The following NCMAP variants were observed in gnomAD, a reference collection of about 807,000 sequenced individuals.
NCMAP encodes the protein noncompact myelin-associated protein.
Under a neutral mutation model 7.8 loss-of-function variants are expected in NCMAP, and 8 were observed. That is an observed-to-expected ratio of 1.02 (90% CI 0.60 to 1.84). The LOEUF (loss-of-function observed/expected upper bound fraction) is 1.84. Among genes scored for constraint, NCMAP ranks in the 40% most tolerant of loss-of-function variants. The pLI is 0.00. For synonymous variants in NCMAP, 41 were observed against 52.9 expected, an observed-to-expected ratio of 0.78 and a Z score of 0.98; for missense variants, 112 against 131.4, an observed-to-expected ratio of 0.85 and a Z score of 0.72.
In NCMAP at chr1:24,605,010, G is replaced by A. The variant is rs371880577; in HGVS notation, c.168-596G>A. Among the ~76,000 whole-genome samples, 12 of 151,936 alleles carry A rather than the reference G, an allele frequency of 7.9e-5. No individual in the cohort carries two copies. In the South Asian group the frequency reaches 1.5e-3, roughly 18 times the overall value. Reference sequence around the variant, plus strand: ...AGGTGCCTGTGATCCCAGCTACTCCGGAGGCTGAGGCAGGAGAATCGCTTG... The same window carrying A: ...AGGTGCCTGTGATCCCAGCTACTCCAGAGGCTGAGGCAGGAGAATCGCTTG... On this transcript the variant is annotated intron_variant, in intron 3 of 3. Coordinates refer to ENST00000374392, the MANE Select transcript of NCMAP (RefSeq NM_001010980.5).
chr1:24,602,442 C>T (rs1570542256), intron 3 of NCMAP, among the ~76,000 whole-genome samples: 2 of 146,214 alleles, frequency 1.4e-5, no homozygotes. Context: ...CAGTGGTGGG[C>T]GCCTGTAGTC....
intron 1 of NCMAP, among the ~76,000 whole-genome samples, chr1:24,587,396 G>A (rs1350733557): frequency 2.0e-5 from 3 of 152,180 alleles, no homozygotes; most frequent in African/African-American, 7.2e-5. Context: ...AACTACTATC[G>A]CCACCTATTG....
At chr1:24,563,248 A>C (rs957161036) in intron 1 of NCMAP, among the ~76,000 whole-genome samples, 2 of 152,232 alleles carry the variant, frequency 1.3e-5, no homozygotes, top group African/African-American at 4.8e-5. Context: ...TTGGCCGGGC[A>C]AGGTGGCTTG....
At chr1:24,605,070 C>T (rs1472142848) in intron 3 of NCMAP, among the ~76,000 whole-genome samples, 2 of 151,216 alleles carry the variant, frequency 1.3e-5, no homozygotes, top group Non-Finnish European at 1.5e-5. Context: ...GAGGCAAGAT[C>T]GCTCCACTGC....
chr1:24,595,794 C>CTTTTTTTTTTTTT (rs34640170), intron 2 of NCMAP, among the ~76,000 whole-genome samples: 1 of 119,496 alleles, frequency 8.4e-6, no homozygotes, highest in Non-Finnish European at 1.7e-5. Context: ...TGGACTGTGT[C>CTTTTTTTTTTTTT]TTTTTTTTTT....
At chr1:24,558,765 G>A (rs771045476) in intron 1 of NCMAP, among the ~76,000 whole-genome samples, 3 of 152,188 alleles carry the variant, frequency 2.0e-5, no homozygotes, top group South Asian at 2.1e-4. Flanking sequence ...TCAGGGTCAC[G>A]TAGAGTTGGG....
chr1:24,595,611 C>T lies in NCMAP; in HGVS notation c.82+99C>T, dbSNP rs561504029. Reference sequence around the variant, plus strand: ...GAGTGTGGGCTCTGGAGGTGGACTGCCTGGGTCTCAGGCCCAGTTCTGCCA... The same window carrying T: ...GAGTGTGGGCTCTGGAGGTGGACTGTCTGGGTCTCAGGCCCAGTTCTGCCA... On this transcript the variant is annotated intron_variant, in intron 2 of 3. Transcript: ENST00000374392. 1.8e-5 allele frequency: 17 copies of T among 930,636 alleles called. No homozygotes were observed. The South Asian group carries it at 2.5e-4, about 14-fold the overall frequency. 57.6% of individuals were successfully genotyped at this position (930,636 alleles called of 1,614,324 possible).
intron 1 of NCMAP, among the ~76,000 whole-genome samples, chr1:24,590,938 C>T (rs1202836396): frequency 6.6e-6 from 1 of 152,234 alleles, no homozygotes; most frequent in Non-Finnish European, 1.5e-5. Flanking sequence ...TTCTCACTCT[C>T]AGCTCCCTTA....
chr1:24,605,803 C>A lies in NCMAP; in HGVS notation c.*56C>A. The A allele has an allele frequency of 6.3e-7, 1 of 1,590,640 alleles. No homozygotes were observed. Among genetic ancestry groups the A allele is most frequent in the Non-Finnish European group, 8.6e-7 (1 of 1,161,594 alleles). On this transcript the variant is annotated 3_prime_UTR_variant, in exon 4 of 4. Transcript: ENST00000374392. ...CCAAAGAGCCTCTCCAGAGTCAAGA[C>A]CCAGAGGCACACTCTCTGGCAGCTT...
intron 1 of NCMAP, among the ~76,000 whole-genome samples, chr1:24,588,927 G>A (rs569637231): frequency 6.6e-6 from 1 of 152,302 alleles, no homozygotes; most frequent in Admixed American, 6.5e-5. Flanking sequence ...TGGATGCTGG[G>A]CCACCTGTGC....
chr1:24,601,248 A>G (rs1437651685), intron 3 of NCMAP, among the ~76,000 whole-genome samples: 1 of 152,136 alleles, frequency 6.6e-6, no homozygotes, highest in Admixed American at 6.6e-5. Context: ...TAGTAATGAT[A>G]ATGACAATGA....
intron 1 of NCMAP, among the ~76,000 whole-genome samples, chr1:24,581,851 T>C (rs1007614512): frequency 6.6e-6 from 1 of 152,206 alleles, no homozygotes; most frequent in Admixed American, 6.5e-5. Context: ...TGAGATTGGT[T>C]ATGAGTTAAC....
intron 2 of NCMAP, among the ~76,000 whole-genome samples, chr1:24,600,254 G>A (rs1652431177): frequency 6.6e-6 from 1 of 152,060 alleles, no homozygotes; most frequent in African/African-American, 2.4e-5. Flanking sequence ...AGGCTCAAGA[G>A]ATCCTCCCTC....
chr1:24,580,623 G>C (rs1320059081), intron 1 of NCMAP, among the ~76,000 whole-genome samples: 1 of 152,140 alleles, frequency 6.6e-6, no homozygotes, highest in Non-Finnish European at 1.5e-5. Context: ...GCTAATTTTT[G>C]TATTTTTAGT....
intron 1 of NCMAP, among the ~76,000 whole-genome samples, chr1:24,579,816 C>T (rs1198436326): frequency 1.3e-5 from 2 of 152,142 alleles, no homozygotes; most frequent in East Asian, 3.8e-4. Flanking sequence ...CTCCATAGGC[C>T]GACTGGACAG....
At chr1:24,598,442 AT>A (rs1050531058) in intron 2 of NCMAP, among the ~76,000 whole-genome samples, 2 of 151,912 alleles carry the variant, frequency 1.3e-5, no homozygotes, top group Non-Finnish European at 2.9e-5. Flanking sequence ...ACCACCATCG[AT>A]TAGTTCTGCT....
chr1:24,562,483 G>A (rs1272810990), intron 1 of NCMAP, among the ~76,000 whole-genome samples: 1 of 152,176 alleles, frequency 6.6e-6, no homozygotes, highest in Non-Finnish European at 1.5e-5. Context: ...ACTGTGCCCG[G>A]TTCCCCACTG....
chr1:24,584,724 AT>A (rs560806576), intron 1 of NCMAP, among the ~76,000 whole-genome samples: 3 of 152,044 alleles, frequency 2.0e-5, no homozygotes, highest in Admixed American at 1.3e-4. Context: ...TGAAGAAAAG[AT>A]TCTGAAAGGA....
chr1:24,560,945 G>A (rs1180993574), intron 1 of NCMAP, among the ~76,000 whole-genome samples: 1 of 151,980 alleles, frequency 6.6e-6, no homozygotes, highest in Non-Finnish European at 1.5e-5. Context: ...CCCCAGAGAT[G>A]AGTATTATTG....
Sources: gnomAD v4.1 joint callset for allele counts (sites outside exome capture counted in the v4.1 genomes callset) on GRCh38, gnomAD v4.1.1 for gene constraint, MANE v1.5 for transcripts, NCBI Gene and HGNC (gene_info 2026-07-23, HGNC 2026-07-21) for gene names.